Variants in OGFOD2 observed in about 807,000 individuals in gnomAD.
OGFOD2 encodes 2-oxoglutarate and iron-dependent oxygenase domain-containing protein 2.
In OGFOD2, 34 loss-of-function variants were observed where a neutral mutation model predicts 31.1. The ratio of observed to expected loss-of-function variants is 1.09; its 90% CI spans 0.83 to 1.45. The LOEUF (loss-of-function observed/expected upper bound fraction) is 1.45. Among genes scored for constraint, OGFOD2 ranks in the 40% most tolerant of loss-of-function variants. The pLI is 0.00. For synonymous variants in OGFOD2, 240 were observed against 192.3 expected (o/e 1.25, Z -2.05); for missense variants, 537 against 433.9 (o/e 1.24, Z -2.11).
At chr12:122,976,513 C>T in intron 2 of OGFOD2, 141 bp from the exon 3 acceptor site, 2 of 1,358,838 alleles carry the variant, frequency 1.5e-6, no homozygotes, top group South Asian at 1.2e-5. Flanking sequence ...TGCAGTTGAC[C>T]CAGATAGATT....
intron 1 of OGFOD2, chr12:122,975,606 C>T (rs185808474): frequency 2.7e-5 from 16 of 601,438 alleles, no homozygotes; most frequent in African/African-American, 2.0e-4. Flanking sequence ...GTGCTTAGGA[C>T]AGGGCCGGGC....
chr12:122,976,648 C>A lies in OGFOD2; in HGVS notation c.190-6C>A. The A allele has an allele frequency of 1.9e-6, 3 of 1,588,568 alleles. No individual in the cohort carries two copies. The highest frequency in any genetic ancestry group is 1.7e-6 in the Non-Finnish European group (2 of 1,156,908). On this transcript the variant is annotated splice_region_variant and splice_polypyrimidine_tract_variant and intron_variant, in intron 2 of 6. Coordinates refer to ENST00000228922, the Ensembl canonical transcript of OGFOD2. ...CCCACCTGGTAACAACCCTGTGCCA[C>A]CCCAGCTTGAGCAGGAGGTGGAGCG...
exon 6 of OGFOD2, chr12:122,979,000 G>C: frequency 3.7e-6 from 6 of 1,612,748 alleles, no homozygotes; most frequent in Non-Finnish European, 5.1e-6. Flanking sequence ...TATTTTGGGG[G>C]CCTCTTCCAG....
chr12:122,978,855 G>A, exon 6 of OGFOD2: 3 of 1,611,502 alleles, frequency 1.9e-6, no homozygotes, highest in Middle Eastern at 1.7e-4. Flanking sequence ...CTGTGGCGGG[G>A]GCCGGCTCGA....
chr12:122,979,245 C>G lies in OGFOD2; in HGVS notation c.952C>G (p.Pro318Ala). 2.5e-6 allele frequency: 4 copies of G among 1,612,938 alleles called. No individual in the cohort carries two copies. The highest frequency in any genetic ancestry group is 3.4e-6 in the Non-Finnish European group (4 of 1,180,000). ...CTCTGCTGTGCGCAACAGCCTCTGTCCCATGTGCTGCCGTGAGCCCGACCT... is the reference window on the plus strand; with the variant it reads ...CTCTGCTGTGCGCAACAGCCTCTGTGCCATGTGCTGCCGTGAGCCCGACCT... The change falls in exon 7 of 7, where the codon CCC (proline) becomes GCC (alanine). Residue 318 changes from proline to alanine, a missense_variant. Transcript: ENST00000228922.
chr12:122,978,945 A>G, exon 6 of OGFOD2: 1 of 1,613,266 alleles, frequency 6.2e-7, no homozygotes, highest in Non-Finnish European at 8.5e-7. Context: ...TGCCGAGCTC[A>G]CCCTCAATGT....
chr12:122,976,877 G>T lies in OGFOD2; in HGVS notation c.310G>T (p.Ala104Ser), dbSNP rs577000287. The T allele has an allele frequency of 2.1e-5, 33 of 1,605,472 alleles. No homozygotes were observed. In the South Asian group the frequency reaches 3.4e-4, roughly 17 times the overall value. Reference sequence around the variant, plus strand: ...TGGTGTGTTTTGCTCCCAGGATGCAGCTCTGGCCCCCGAGTTCCTGGCCGT... The same window carrying T: ...TGGTGTGTTTTGCTCCCAGGATGCATCTCTGGCCCCCGAGTTCCTGGCCGT... Residue 104 changes from alanine to serine, a missense_variant, in exon 4 of 7, where the codon GCT becomes TCT. Coordinates refer to ENST00000228922, the Ensembl canonical transcript of OGFOD2.
At position 122,975,363 on chromosome 12, in the gene OGFOD2, CT is replaced by C; in HGVS notation, c.113del (p.Leu38ArgfsTer24). ...CGTGCGCTTCCGAGGCGAGCAGCAGCTGCGCCGGGACTACGGCCCGGTGAGT... is the reference window on the plus strand; with the variant it reads ...CGTGCGCTTCCGAGGCGAGCAGCAGCGCGCCGGGACTACGGCCCGGTGAGT... On this transcript the variant is annotated frameshift_variant, in exon 1 of 7. Coordinates refer to ENST00000228922, the Ensembl canonical transcript of OGFOD2. LOFTEE classifies it high-confidence loss of function. The C allele has an allele frequency of 1.4e-6, 1 of 701,028 alleles. No homozygotes were observed. Among genetic ancestry groups the C allele is most frequent in the Non-Finnish European group, 2.6e-6 (1 of 383,756 alleles). 43.4% of individuals were successfully genotyped at this position (701,028 alleles called of 1,614,324 possible). A position where few individuals can be genotyped will look rare whatever the true frequency, so the allele number is the denominator to read the frequency against.
Position 122,978,436 on chromosome 12 carries a change from C to A in OGFOD2, c.404-6C>A. 1 of 1,613,154 alleles carries A rather than the reference C, an allele frequency of 6.2e-7. No homozygotes were observed. The highest frequency in any genetic ancestry group is 1.7e-5 in the Admixed American group (1 of 60,008). On this transcript the variant is annotated splice_region_variant and splice_polypyrimidine_tract_variant and intron_variant, in intron 4 of 6. Coordinates refer to ENST00000228922, the Ensembl canonical transcript of OGFOD2. ...TCAGGCCAACAGACCATCCCTCCTT[C>A]CACAGAGGAGAAGCGCATCTACCGG... is the stretch of plus-strand genomic sequence containing the variant.
At chr12:122,980,020 C>G (rs866096535) in exon 7 of OGFOD2, 1 of 440,756 alleles carries the variant, frequency 2.3e-6, no homozygotes, top group East Asian at 3.5e-5. Context: ...AATGCGCTGA[C>G]GTATATAAAG....
intron 1 of OGFOD2, 194 bp downstream of exon 1, chr12:122,975,577 G>A: frequency 1.7e-6 from 1 of 592,328 alleles, no homozygotes; most frequent in Non-Finnish European, 3.0e-6. Flanking sequence ...TGTGAGGAAG[G>A]AATGAACAAG....
At position 122,979,080 on chromosome 12, in the gene OGFOD2, C is replaced by G. The variant is rs369330626; in HGVS notation, c.790-3C>G. On this transcript the variant is annotated splice_polypyrimidine_tract_variant and splice_region_variant and intron_variant, in intron 6 of 6. Transcript: ENST00000228922. Reference sequence around the variant, plus strand: ...GCCCAGGCCTGAGTCGTGCCATCTGCAGGCACCCACAGCCCTGACGGAGCC... The same window carrying G: ...GCCCAGGCCTGAGTCGTGCCATCTGGAGGCACCCACAGCCCTGACGGAGCC... 11 of 1,595,950 alleles carry G rather than the reference C, an allele frequency of 6.9e-6. No homozygotes were observed. Among genetic ancestry groups the G allele is most frequent in the Non-Finnish European group, 8.6e-6 (10 of 1,168,368 alleles).
chr12:122,977,177 TCTTTC>T (rs2037460601), intron 4 of OGFOD2: 1 of 623,580 alleles, frequency 1.6e-6, no homozygotes, highest in African/African-American at 1.8e-5. Context: ...GTATCTTCAT[TCTTTC>T]CTTCACCCTT....
Position 122,975,383 on chromosome 12 carries a change from G to A in OGFOD2, c.132G>A (p.Pro44=), listed in dbSNP as rs548758566. The change falls in exon 1 of 7, where the codon CCG becomes CCA. Residue 44 remains proline (P), a splice_region_variant and synonymous_variant. Transcript: ENST00000228922. ...AGCAGCTGCGCCGGGACTACGGCCC[G>A]GTGAGTGGCCGCTGTCGTCCCTACG... 1.1e-4 allele frequency: 77 copies of A among 698,844 alleles called. No individual in the cohort carries two copies. In the African/African-American group the frequency reaches 1.3e-3, roughly 11 times the overall value. The allele number at this position is 698,844 out of a possible 1,614,324, so 43.3% of individuals were successfully genotyped here. A position where few individuals can be genotyped will look rare whatever the true frequency, so the allele number is the denominator to read the frequency against.
chr12:122,975,082 G>T, upstream of OGFOD2: 1 of 492,840 alleles, frequency 2.0e-6, no homozygotes, highest in Non-Finnish European at 3.7e-6. Flanking sequence ...TCCCAACCCG[G>T]CCCAGGAGCA....
exon 3 of OGFOD2, chr12:122,976,682 G>C (rs371221631): frequency 6.2e-7 from 1 of 1,612,868 alleles, no homozygotes; most frequent in Admixed American, 1.7e-5. Context: ...CGGCGGCAGC[G>C]GCTGGGGCAG....
At chr12:122,975,641 C>G (rs1358030032) in intron 1 of OGFOD2, 170 bp from the exon 2 acceptor site, 2 of 614,524 alleles carry the variant, frequency 3.3e-6, no homozygotes, top group Non-Finnish European at 5.9e-6. Context: ...CACAGCAACA[C>G]CAGCCCGGAG....
chr12:122,979,836 C>T (rs2037562404), exon 7 of OGFOD2: 1 of 215,470 alleles, frequency 4.6e-6, no homozygotes, highest in African/African-American at 2.3e-5. Flanking sequence ...GGGTGGGCCA[C>T]CAGTAGCATC....
upstream of OGFOD2, chr12:122,974,976 G>A: frequency 3.2e-6 from 1 of 314,824 alleles, no homozygotes; most frequent in Non-Finnish European, 5.9e-6. Context: ...TCCCCGTCCT[G>A]TGAAGGCACG....
Sources: gnomAD v4.1 joint callset for allele counts on GRCh38, gnomAD v4.1.1 for gene constraint, MANE v1.5 for transcripts, NCBI Gene and HGNC (gene_info 2026-07-23, HGNC 2026-07-21) for gene names.